The following HMGB1 variants were observed in gnomAD, a reference collection of about 807,000 sequenced individuals.
The protein encoded by HMGB1 is high mobility group protein B1.
For synonymous variants in HMGB1, 81 were observed against 84.0 expected (o/e 0.96, Z 0.19); for missense variants, 79 against 253.5 (o/e 0.31, Z 4.67).
intron 1 of HMGB1, among the ~76,000 whole-genome samples, chr13:30,578,067 A>G (rs1232819957): frequency 1.3e-5 from 2 of 151,944 alleles, no homozygotes; most frequent in African/African-American, 4.8e-5. Flanking sequence ...GACTCCGTGC[A>G]GTTCCTGGTG....
intron 1 of HMGB1, among the ~76,000 whole-genome samples, chr13:30,487,286 C>A (rs1887386244): frequency 6.6e-6 from 1 of 152,246 alleles, no homozygotes; most frequent in Non-Finnish European, 1.5e-5. Flanking sequence ...AGCACTGCAC[C>A]TAGTGAGTTC....
intron 1 of HMGB1, among the ~76,000 whole-genome samples, chr13:30,484,563 T>C (rs968094417): frequency 1.3e-5 from 2 of 152,190 alleles, no homozygotes; most frequent in Non-Finnish European, 2.9e-5. Context: ...GTTTTGTTTT[T>C]TGTTTTCACC....
intron 1 of HMGB1, among the ~76,000 whole-genome samples, chr13:30,551,255 T>C (rs1477338471): frequency 6.6e-6 from 1 of 152,198 alleles, no homozygotes; most frequent in South Asian, 2.1e-4. Context: ...GTTAAATACA[T>C]TCTAAAACTA....
chr13:30,606,800 A>C (rs188187613), intron 1 of HMGB1, among the ~76,000 whole-genome samples: 152 of 152,354 alleles, frequency 1.0e-3, no homozygotes, highest in African/African-American at 3.5e-3. Context: ...TAGAATTCCA[A>C]AGAATGTTTA....
intron 1 of HMGB1, among the ~76,000 whole-genome samples, chr13:30,491,133 A>C (rs1157104930): frequency 2.6e-5 from 4 of 151,902 alleles, no homozygotes; most frequent in Non-Finnish European, 5.9e-5. Flanking sequence ...GATTCAAGCG[A>C]TTCTCCTGCC....
At chr13:30,492,713 G>A (rs551446500) in intron 1 of HMGB1, among the ~76,000 whole-genome samples, 67 of 152,150 alleles carry the variant, frequency 4.4e-4, no homozygotes, top group African/African-American at 1.5e-3. Flanking sequence ...AAACATGGCC[G>A]GGCACGCTGG....
intron 1 of HMGB1, among the ~76,000 whole-genome samples, chr13:30,608,024 T>G (rs1950477174): frequency 6.6e-6 from 1 of 152,296 alleles, no homozygotes; most frequent in African/African-American, 2.4e-5. Context: ...ACCCATAGAA[T>G]ACAGCACAGT....
chr13:30,617,101 G>A (rs907583099), exon 1 of HMGB1: 4 of 152,300 alleles, frequency 2.6e-5, no homozygotes, highest in African/African-American at 4.8e-5. Context: ...CCCTTTCTCT[G>A]AAGTTAAAAC....
intron 1 of HMGB1, chr13:30,464,698 C>A: frequency 1.1e-6 from 1 of 919,690 alleles, no homozygotes; most frequent in South Asian, 5.4e-5. Flanking sequence ...CGCTGCGCGT[C>A]TTCTCCGCCT....
intron 1 of HMGB1, chr13:30,464,190 CTT>C: frequency 1.0e-6 from 1 of 985,168 alleles, no homozygotes; most frequent in Non-Finnish European, 1.2e-6. Context: ...AAAACACCCT[CTT>C]TGCATAAAAC....
Position 30,559,312 on chromosome 13 carries a change from A to G in HMGB1, c.-15+57359T>C, listed in dbSNP as rs954164308. The stretch of plus-strand genomic sequence containing the variant: ...CACTATGGGACAACCTTTCCTCACC[A>G]TTGACAATGGTCATTTACAAGACCA... On this transcript the variant is annotated intron_variant, in intron 1 of 4. Transcript: ENST00000405805. The surrounding 1 kb of genome is among the most constrained non-coding windows in gnomAD (Gnocchi z 6.6). 1.3e-5 allele frequency among the ~76,000 whole-genome samples: 2 copies of G among 152,284 alleles called. No homozygotes were observed. Among genetic ancestry groups the G allele is most frequent in the South Asian group, 4.1e-4 (2 of 4,828 alleles).
At chr13:30,480,176 A>C (rs1887194030) in intron 1 of HMGB1, among the ~76,000 whole-genome samples, 1 of 152,268 alleles carries the variant, frequency 6.6e-6, no homozygotes, top group East Asian at 1.9e-4. Context: ...ATATAACCAG[A>C]AATCATAGAA....
At chr13:30,594,855 C>T (rs1048895987) in intron 1 of HMGB1, among the ~76,000 whole-genome samples, 42 of 152,176 alleles carry the variant, frequency 2.8e-4, no homozygotes, top group Admixed American at 2.0e-3. Context: ...CTTTTCTCCA[C>T]GGCCTCGCCA....
chr13:30,537,564 CTT>C (rs943138200), intron 1 of HMGB1, among the ~76,000 whole-genome samples: 2 of 149,522 alleles, frequency 1.3e-5, no homozygotes, highest in African/African-American at 4.9e-5. Flanking sequence ...AAAATGTACT[CTT>C]TTGCTCCTGG....
At chr13:30,505,392 A>C (rs541986854) in intron 1 of HMGB1, among the ~76,000 whole-genome samples, 46 of 151,514 alleles carry the variant, frequency 3.0e-4, no homozygotes, top group African/African-American at 1.0e-3. Context: ...GTTAGCCAGG[A>C]TGGTCTCCAT....
chr13:30,481,231 T>G (rs943092916), intron 1 of HMGB1, among the ~76,000 whole-genome samples: 3 of 151,098 alleles, frequency 2.0e-5, no homozygotes, highest in African/African-American at 7.3e-5. Flanking sequence ...AACTGAACTT[T>G]CGATCTTTTT....
rs533840201 is a variant in HMGB1 at position 30,609,787 on chromosome 13, T to C, written c.-15+6884A>G. On this transcript the variant is annotated intron_variant, in intron 1 of 4. Coordinates refer to the HMGB1 transcript ENST00000405805. Reference sequence around the variant, plus strand: ...TCCCCAAAGTCCACTGTATGATTCTTATGCCTCTGTGTTTTTATAGCTTAG... The same window carrying C: ...TCCCCAAAGTCCACTGTATGATTCTCATGCCTCTGTGTTTTTATAGCTTAG... Among the ~76,000 whole-genome samples, 6 of 152,306 alleles carry C rather than the reference T, an allele frequency of 3.9e-5. No homozygotes were observed. In the South Asian group the frequency reaches 1.0e-3, roughly 26 times the overall value.
chr13:30,613,785 T>G (rs1593347968), intron 1 of HMGB1, among the ~76,000 whole-genome samples: 1 of 152,040 alleles, frequency 6.6e-6, no homozygotes, highest in South Asian at 2.1e-4. Context: ...TAAGTCAAAG[T>G]AGACAGGACC....
intron 1 of HMGB1, among the ~76,000 whole-genome samples, chr13:30,531,380 A>C (rs1188537957): frequency 6.6e-6 from 1 of 152,328 alleles, no homozygotes; most frequent in East Asian, 1.9e-4. Context: ...ATGTATTCAC[A>C]CAGAAACCCT....
Sources: allele counts gnomAD v4.1 joint callset (sites outside exome capture counted in the v4.1 genomes callset), GRCh38; gene constraint gnomAD v4.1.1; non-coding constraint Gnocchi (gnomAD v3.1); transcripts MANE v1.5; gene names NCBI Gene and HGNC (gene_info 2026-07-23, HGNC 2026-07-21).